The following ATP10A variants were observed in gnomAD, a reference collection of about 807,000 sequenced individuals.
ATP10A encodes phospholipid-transporting ATPase VA.
Under a neutral mutation model 147.8 loss-of-function variants are expected in ATP10A, and 111 were observed. The observed-to-expected ratio is 0.75, with a 90% CI of 0.64 to 0.88. ATP10A has a LOEUF of 0.88. Among genes scored for constraint, ATP10A ranks in the 40% least tolerant of loss-of-function variants. The pLI, the probability that ATP10A is intolerant of heterozygous loss-of-function variation, is 0.00. For missense variants in ATP10A, 1,927 were observed against 1,959.0 expected, an observed-to-expected ratio of 0.98 and a Z score of 0.31; for synonymous variants, 875 against 841.6, an observed-to-expected ratio of 1.04 and a Z score of -0.69.
At chr15:25,766,660 C>T (rs973431166) in intron 2 of ATP10A, among the ~76,000 whole-genome samples, 3 of 152,010 alleles carry the variant, frequency 2.0e-5, no homozygotes, top group Non-Finnish European at 4.4e-5. Context: ...CTTACATGCA[C>T]TGAGGAACCA....
At chr15:25,737,824 T>C (rs963291952) in intron 2 of ATP10A, among the ~76,000 whole-genome samples, 3 of 151,938 alleles carry the variant, frequency 2.0e-5, no homozygotes, top group East Asian at 1.9e-4. Context: ...GGCGGCCTTA[T>C]ACAAAGGGAA....
chr15:25,727,333 G>A, intron 3 of ATP10A, 67 bp from the exon 4 acceptor site: 1 of 1,314,912 alleles, frequency 7.6e-7, no homozygotes, highest in Non-Finnish European at 1.1e-6. Flanking sequence ...GAGCCGCAAT[G>A]CCTTGAGGAA....
chr15:25,837,867 A>C (rs373110303), intron 1 of ATP10A, among the ~76,000 whole-genome samples: 3 of 152,198 alleles, frequency 2.0e-5, no homozygotes, highest in East Asian at 3.9e-4. Context: ...GGCAGTGGGG[A>C]AGACGGGTGG....
chr15:25,688,149 G>A (rs1359606887), intron 15 of ATP10A, among the ~76,000 whole-genome samples: 1 of 152,196 alleles, frequency 6.6e-6, no homozygotes, highest in East Asian at 1.9e-4. Context: ...AACACACAGA[G>A]ATACATGGTG....
chr15:25,715,555 G>C (rs545725883), intron 9 of ATP10A, among the ~76,000 whole-genome samples: 5 of 152,362 alleles, frequency 3.3e-5, no homozygotes, highest in Non-Finnish European at 7.3e-5. Context: ...ACACCAGAAG[G>C]GTTTTTAATG....
At chr15:25,695,767 T>G (rs1444838297) in intron 13 of ATP10A, among the ~76,000 whole-genome samples, 4 of 152,176 alleles carry the variant, frequency 2.6e-5, no homozygotes, top group Admixed American at 2.6e-4. Flanking sequence ...ATAGTTAGAC[T>G]GAAGGCCCTC....
At chr15:25,839,280 T>G (rs980795957) in intron 1 of ATP10A, among the ~76,000 whole-genome samples, 16 of 152,190 alleles carry the variant, frequency 1.1e-4, no homozygotes, top group African/African-American at 3.4e-4. Context: ...CAAGAACAAG[T>G]ACATTAAAAT....
At chr15:25,812,701 A>C (rs1028538710) in intron 1 of ATP10A, among the ~76,000 whole-genome samples, 9 of 152,226 alleles carry the variant, frequency 5.9e-5, no homozygotes, top group African/African-American at 2.2e-4. Context: ...AGGGGAATAC[A>C]GTATTCTGAA....
At chr15:25,705,039 T>C (rs1178763091) in intron 12 of ATP10A, among the ~76,000 whole-genome samples, 1 of 152,162 alleles carries the variant, frequency 6.6e-6, no homozygotes, top group African/African-American at 2.4e-5. Context: ...TCCTTTGAAT[T>C]TAGGTTCCTG....
intron 12 of ATP10A, among the ~76,000 whole-genome samples, chr15:25,703,123 C>A (rs546698833): frequency 2.6e-5 from 4 of 152,150 alleles, no homozygotes; most frequent in African/African-American, 9.7e-5. Context: ...TTCGGGAGGC[C>A]GTGGCGGGCG....
intron 2 of ATP10A, among the ~76,000 whole-genome samples, chr15:25,746,108 A>G (rs1468835892): frequency 6.6e-6 from 1 of 152,208 alleles, no homozygotes; most frequent in Non-Finnish European, 1.5e-5. Context: ...ACTCAAGACT[A>G]TATTGACGAG....
intron 1 of ATP10A, among the ~76,000 whole-genome samples, chr15:25,853,953 GA>G (rs60346962): frequency 0.19 from 23,088 of 123,372 alleles, 1,786 homozygotes; most frequent in Middle Eastern, 0.24. Flanking sequence ...GAAAAAAAAA[GA>G]AAAAAAAAAA....
intron 2 of ATP10A, among the ~76,000 whole-genome samples, chr15:25,766,896 C>T (rs945103815): frequency 5.6e-5 from 8 of 142,872 alleles, no homozygotes; most frequent in African/African-American, 2.1e-4. Flanking sequence ...ACTAGTGGAA[C>T]TGTTTCTAAA....
intron 2 of ATP10A, among the ~76,000 whole-genome samples, chr15:25,746,232 T>C (rs536129490): frequency 6.6e-6 from 1 of 152,096 alleles, no homozygotes; most frequent in Admixed American, 6.5e-5. Flanking sequence ...TTAGATAATA[T>C]AGTATTAAAT....
intron 1 of ATP10A, among the ~76,000 whole-genome samples, chr15:25,786,345 C>T (rs890531910): frequency 2.6e-5 from 4 of 152,146 alleles, no homozygotes; most frequent in Non-Finnish European, 5.9e-5. Flanking sequence ...AATGTGTGCC[C>T]GTCACCACCG....
intron 6 of ATP10A, among the ~76,000 whole-genome samples, chr15:25,723,004 C>T (rs545961864): frequency 3.0e-4 from 45 of 152,288 alleles, no homozygotes; most frequent in Non-Finnish European, 4.9e-4. Flanking sequence ...AGAAAAAGCA[C>T]ATTTATGGAA....
Position 25,691,773 on chromosome 15 carries a change from A to C in ATP10A, c.3107T>G (p.Val1036Gly), listed in dbSNP as rs1172302193. ...CACATCTGCCACCTGGATCATGCTG[A>C]CATCATTGGCTCCATCACCTAGAAA... ...TLAIGDGAND[V>G]SMIQVADVGV... Residue 1036 changes from valine (V) to glycine (G), a missense_variant, in exon 15 of 21, where the codon GTC becomes GGC. By Grantham distance (109) the Val-to-Gly change is moderately radical (BLOSUM62 -3). Transcript: ENST00000555815. The C allele has an allele frequency of 6.2e-7, 1 of 1,614,070 alleles. No individual in the cohort carries two copies. The highest frequency in any genetic ancestry group is 8.5e-7 in the Non-Finnish European group (1 of 1,180,042).
intron 13 of ATP10A, among the ~76,000 whole-genome samples, chr15:25,697,756 C>T (rs553195021): frequency 4.6e-5 from 7 of 152,300 alleles, no homozygotes; most frequent in Admixed American, 3.9e-4. Context: ...TGACTTCCTT[C>T]GGAAGAATTC....
intron 2 of ATP10A, among the ~76,000 whole-genome samples, chr15:25,743,358 G>A (rs1279303998): frequency 2.0e-5 from 3 of 152,224 alleles, no homozygotes; most frequent in Admixed American, 6.5e-5. Flanking sequence ...CCAGACGACT[G>A]GGCAATTTGG....
Sources: allele counts gnomAD v4.1 joint callset (sites outside exome capture counted in the v4.1 genomes callset), GRCh38; gene constraint gnomAD v4.1.1; transcripts MANE v1.5; gene names NCBI Gene and HGNC (gene_info 2026-07-23, HGNC 2026-07-21).